Variants in VPS53 observed in about 807,000 individuals in gnomAD.
VPS53 encodes VPS53 subunit of GARP complex.
Under a neutral mutation model 107.0 loss-of-function variants are expected in VPS53, and 70 were observed. The ratio of observed to expected loss-of-function variants is 0.65; its 90% CI spans 0.54 to 0.80. The LOEUF (loss-of-function observed/expected upper bound fraction) is 0.80, where lower values mean the gene tolerates loss of function less well. Among genes scored for constraint, VPS53 ranks in the 30% least tolerant of loss-of-function variants. The probability of loss-of-function intolerance (pLI) is 0.00; values close to 1 mark genes in which losing one functional copy is unlikely to be tolerated. For synonymous variants in VPS53, 409 were observed against 393.3 expected (o/e 1.04, Z -0.47); for missense variants, 917 against 1,049.4 (o/e 0.87, Z 1.74).
chr17:632,624 T>C lies in VPS53; in HGVS notation c.609-996A>G, dbSNP rs1360383710. On this transcript the variant is annotated intron_variant, in intron 7 of 21. Coordinates refer to ENST00000437048, the MANE Select transcript of VPS53 (RefSeq NM_001128159.3). ...CTAGATCGTATCATTCTAACTGTAT[T>C]TTTGTGCCCAGTAGCCATCCCAGTT... 6 of 436,440 alleles carry C rather than the reference T, an allele frequency of 1.4e-5. No individual in the cohort carries two copies. In the Admixed American group the frequency reaches 1.5e-4, roughly 11 times the overall value. 27.0% of individuals were successfully genotyped at this position (436,440 alleles called of 1,614,324 possible). A position where few individuals can be genotyped will look rare whatever the true frequency, so the allele number is the denominator to read the frequency against.
chr17:555,770 G>C (rs1195083199), intron 15 of VPS53, among the ~76,000 whole-genome samples: 1 of 152,166 alleles, frequency 6.6e-6, no homozygotes, highest in African/African-American at 2.4e-5. Context: ...TTATGATGTA[G>C]TTTTCTGTAA....
At position 713,504 on chromosome 17, in the gene VPS53, T is replaced by G. The variant is rs567200349; in HGVS notation, c.87+1119A>C. On this transcript the variant is annotated intron_variant, in intron 1 of 21. Transcript: ENST00000437048. ...CCGGTCTCTACTAAAAATACAAAAA[T>G]TAGCTAGGCATGGTAGCGGTTGCCT... Among the ~76,000 whole-genome samples the G allele has an allele frequency of 4.1e-5, 6 of 147,012 alleles. No homozygotes were observed. In the South Asian group the frequency reaches 1.3e-3, roughly 32 times the overall value.
intron 11 of VPS53, among the ~76,000 whole-genome samples, chr17:609,926 G>A (rs1291404641): frequency 2.0e-5 from 3 of 151,940 alleles, no homozygotes; most frequent in Non-Finnish European, 2.9e-5. Flanking sequence ...TCAGGAGATC[G>A]AGACCCTCCT....
rs1043457989 is a variant in VPS53, at chr17:514,283, G to C, written c.*4845C>G. 1 of 117,876 alleles carries C rather than the reference G, an allele frequency of 8.5e-6. No individual in the cohort carries two copies. The highest frequency in any genetic ancestry group is 4.5e-5 in the African/African-American group (1 of 22,238). The allele number at this position is 117,876 out of a possible 1,614,324, so 7.3% of individuals were successfully genotyped here. A position where few individuals can be genotyped will look rare whatever the true frequency, so the allele number is the denominator to read the frequency against. ...TCCTAGGGAAGGAACCCCATTTCCA[G>C]CAGGTTATTCCGAGTGCTCTTCCTA... On this transcript the variant is annotated 3_prime_UTR_variant, in exon 22 of 22. Coordinates refer to ENST00000437048, the MANE Select transcript of VPS53 (RefSeq NM_001128159.3).
At chr17:576,420 G>A (rs899459033) in intron 13 of VPS53, among the ~76,000 whole-genome samples, 2 of 150,920 alleles carry the variant, frequency 1.3e-5, no homozygotes, top group African/African-American at 4.9e-5. Flanking sequence ...ACCTCCCTCA[G>A]AACCTCAATG....
At chr17:568,436 A>G (rs1017208171) in intron 13 of VPS53, among the ~76,000 whole-genome samples, 1 of 151,516 alleles carries the variant, frequency 6.6e-6, no homozygotes, top group Non-Finnish European at 1.5e-5. Flanking sequence ...TTGTAGAGAC[A>G]GGGTTTTGTC....
At chr17:696,322 G>C (rs1972957262) in intron 4 of VPS53, among the ~76,000 whole-genome samples, 1 of 152,200 alleles carries the variant, frequency 6.6e-6, no homozygotes, top group Non-Finnish European at 1.5e-5. Context: ...TAAGCAACTG[G>C]CAGAAGGAAA....
At chr17:636,399 AC>A (rs1435674730) in intron 7 of VPS53, among the ~76,000 whole-genome samples, 2 of 152,138 alleles carry the variant, frequency 1.3e-5, no homozygotes, top group African/African-American at 2.4e-5. Flanking sequence ...CTAATTGAAT[AC>A]CCTTTATTTC....
At chr17:670,412 C>A (rs970584807) in intron 4 of VPS53, among the ~76,000 whole-genome samples, 1 of 152,222 alleles carries the variant, frequency 6.6e-6, no homozygotes, top group Non-Finnish European at 1.5e-5. Flanking sequence ...CTAATGGTAA[C>A]CACTACTCTG....
rs577241877 is a variant in VPS53, at chr17:661,740, T to C, written c.372+69A>G. ...GCCATTATTAGAAAAAGCTCATTAT[T>C]AGAATGCCTAGATGAGAAGCTCACT... is the stretch of plus-strand genomic sequence containing the variant. On this transcript the variant is annotated intron_variant, in intron 5 of 21. Transcript: ENST00000437048. 293 of 1,440,606 alleles carry C rather than the reference T, an allele frequency of 2.0e-4. 1 individual carries two copies. The African/African-American group carries it at 3.6e-3, about 18-fold the overall frequency. 89.2% of individuals were successfully genotyped at this position (1,440,606 alleles called of 1,614,324 possible).
In VPS53 at chr17:705,916, T is replaced by A. The variant is rs113939124; in HGVS notation, c.168+4617A>T. On this transcript the variant is annotated intron_variant, in intron 2 of 21. Coordinates refer to ENST00000437048, the MANE Select transcript of VPS53 (RefSeq NM_001128159.3). ...GAGACCCCATCTCAAAAAAAAATTA[T>A]TAACTTGGCCTGTAGTATTCAGCTA... 9.9e-3 allele frequency: 1,508 copies of A among 152,164 alleles called. 25 individuals are homozygous for A. The highest frequency in any genetic ancestry group is 0.034 in the African/African-American group (1,410 of 41,510). The allele number at this position is 152,164 out of a possible 1,614,324, so 9.4% of individuals were successfully genotyped here. A position where few individuals can be genotyped will look rare whatever the true frequency, so the allele number is the denominator to read the frequency against.
chr17:561,620 AATTTATTT>A (rs886382578), intron 14 of VPS53, among the ~76,000 whole-genome samples: 3 of 152,034 alleles, frequency 2.0e-5, no homozygotes, highest in Non-Finnish European at 4.4e-5. Flanking sequence ...GATTATACAT[AATTTATTT>A]ATTTATTTAT....
At chr17:583,245 C>T (rs888023769) in intron 13 of VPS53, among the ~76,000 whole-genome samples, 4 of 149,858 alleles carry the variant, frequency 2.7e-5, no homozygotes, top group South Asian at 2.1e-4. Context: ...GAACCTCCTT[C>T]GGAACCTCAG....
At chr17:713,738 G>A (rs1973729625) in intron 1 of VPS53, among the ~76,000 whole-genome samples, 1 of 151,208 alleles carries the variant, frequency 6.6e-6, no homozygotes. Flanking sequence ...ACTTGCAAAG[G>A]CAAGAGTTCC....
chr17:536,489 C>T (rs993027742), intron 18 of VPS53: 3 of 154,564 alleles, frequency 1.9e-5, no homozygotes, highest in African/African-American at 7.2e-5. Flanking sequence ...CTGCACAGTT[C>T]AAAACAACAG....
intron 13 of VPS53, among the ~76,000 whole-genome samples, chr17:565,403 C>CAAAAAAAAAAAAAAAAAAA (rs535932031): frequency 8.5e-5 from 7 of 82,530 alleles, no homozygotes; most frequent in South Asian, 4.7e-4. Flanking sequence ...AACCCCATCT[C>CAAAAAAAAAAAAAAAAAAA]AAAAAAAAAA....
rs1258810957 is a variant in VPS53, at chr17:551,859, C to T, written c.1866+13G>A. 3 of 1,584,452 alleles carry T rather than the reference C, an allele frequency of 1.9e-6. 1 individual carries two copies. The Middle Eastern group carries it at 5.0e-4, about 266-fold the overall frequency. On this transcript the variant is annotated intron_variant, in intron 17 of 21. Transcript: ENST00000437048. The stretch of plus-strand genomic sequence containing the variant: ...CTCGTTAGTTTGTAGGATGCCATTT[C>T]CCAAGACCTTACCTTGCTCATGGCA...
At chr17:596,063 G>A (rs1967958299) in intron 12 of VPS53, among the ~76,000 whole-genome samples, 1 of 152,266 alleles carries the variant, frequency 6.6e-6, no homozygotes, top group South Asian at 2.1e-4. Context: ...AGGACGCTGG[G>A]AGATCAGTAC....
At chr17:640,558 T>C (rs907313620) in intron 7 of VPS53, among the ~76,000 whole-genome samples, 1 of 152,096 alleles carries the variant, frequency 6.6e-6, no homozygotes, top group Non-Finnish European at 1.5e-5. Context: ...TGTCGCCATG[T>C]TCTTCATTTT....
Sources: gnomAD v4.1 joint callset for allele counts (sites outside exome capture counted in the v4.1 genomes callset) on GRCh38, gnomAD v4.1.1 for gene constraint, MANE v1.5 for transcripts, NCBI Gene and HGNC (gene_info 2026-07-23, HGNC 2026-07-21) for gene names.